The following TAMM41 variants were observed in gnomAD, a reference collection of about 807,000 sequenced individuals.
TAMM41 encodes the protein phosphatidate cytidylyltransferase, mitochondrial.
A neutral mutation model predicts 44.1 loss-of-function variants in TAMM41; 36 were observed. That is an observed-to-expected ratio of 0.82 (90% confidence interval 0.63 to 1.08). TAMM41 has a LOEUF of 1.08. Ranked by LOEUF, TAMM41 falls within the 50% of genes least tolerant of loss-of-function variation. The probability of loss-of-function intolerance (pLI) is 0.00; values close to 1 mark genes in which losing one functional copy is unlikely to be tolerated. For synonymous variants in TAMM41, 164 were observed against 153.1 expected (o/e 1.07, Z -0.53); for missense variants, 417 against 404.3 (o/e 1.03, Z -0.27).
At chr3:11,780,044 C>G in the TAMM41 span, among the ~76,000 whole-genome samples, 1 of 152,176 alleles carries the variant, frequency 6.6e-6, no homozygotes, top group South Asian at 2.1e-4. Flanking sequence ...CATCATCTCT[C>G]AACTAGATGA....
At chr3:11,736,581 C>A in the TAMM41 span, among the ~76,000 whole-genome samples, 1 of 152,144 alleles carries the variant, frequency 6.6e-6, no homozygotes, top group East Asian at 1.9e-4. Context: ...AACAAAAATA[C>A]CAAGGATGGC....
At chr3:11,830,625 A>G (rs1367023835) in intron 3 of TAMM41, 1 of 152,268 alleles carries the variant, frequency 6.6e-6, no homozygotes. Flanking sequence ...CTGTAATCTC[A>G]GCACTTTGGG....
the TAMM41 span, among the ~76,000 whole-genome samples, chr3:11,751,536 C>T: frequency 6.6e-6 from 1 of 152,110 alleles, no homozygotes; most frequent in Admixed American, 6.6e-5. Context: ...CCAGGCCTAC[C>T]GAACCTCATG....
At chr3:11,843,278 G>A (rs78883730) in intron 2 of TAMM41, among the ~76,000 whole-genome samples, 2,926 of 152,296 alleles carry the variant, frequency 0.019, 90 homozygotes, top group East Asian at 0.12. Context: ...CTTCAGCACT[G>A]TTTGGAAGTG....
At chr3:11,832,280 AAAC>A (rs199820028) in intron 3 of TAMM41, among the ~76,000 whole-genome samples, 1,844 of 104,330 alleles carry the variant, frequency 0.018, 49 homozygotes, top group African/African-American at 0.077. Flanking sequence ...ACATTCAGAA[AAAC>A]AAAAAAAAAA....
At chr3:11,749,665 G>A in the TAMM41 span, among the ~76,000 whole-genome samples, 3 of 152,026 alleles carry the variant, frequency 2.0e-5, no homozygotes, top group Admixed American at 1.3e-4. Context: ...CAAACACAAC[G>A]TGCAATGAGA....
chr3:11,816,155 C>T (rs2124981165), intron 5 of TAMM41, among the ~76,000 whole-genome samples: 1 of 151,270 alleles, frequency 6.6e-6, no homozygotes, highest in South Asian at 2.1e-4. Context: ...TGTTAGTTGC[C>T]CCTACTATGT....
At chr3:11,725,663 C>CAGGA in the TAMM41 span, among the ~76,000 whole-genome samples, 1 of 152,112 alleles carries the variant, frequency 6.6e-6, no homozygotes, top group African/African-American at 2.4e-5. Flanking sequence ...TGGTCTTGAA[C>CAGGA]TCCTGGGCTC....
At chr3:11,791,520 GAT>G (rs1317998883) in intron 7 of TAMM41, among the ~76,000 whole-genome samples, 1 of 152,180 alleles carries the variant, frequency 6.6e-6, no homozygotes, top group Non-Finnish European at 1.5e-5. Flanking sequence ...GTGGCCCAAA[GAT>G]ATGAACAGTC....
chr3:11,808,483 C>T lies in TAMM41; in HGVS notation c.875-588G>A, dbSNP rs774250521. The T allele has an allele frequency of 3.7e-4, 364 of 985,802 alleles. 1 individual carries two copies. The highest frequency in any genetic ancestry group is 4.3e-4 in the Non-Finnish European group (353 of 830,346). The allele number at this position is 985,802 out of a possible 1,614,324, so 61.1% of individuals were successfully genotyped here. Reference sequence around the variant, plus strand: ...AGTGCAGGCCCAGGAGGAGAGTGGGCGTGGAGCGCCTGCTGCAGCTCATCC... The same window carrying T: ...AGTGCAGGCCCAGGAGGAGAGTGGGTGTGGAGCGCCTGCTGCAGCTCATCC... On this transcript the variant is annotated intron_variant, in intron 6 of 7. Coordinates refer to ENST00000455809, the MANE Select transcript of TAMM41 (RefSeq NM_001284401.2).
chr3:11,733,251 G>C, the TAMM41 span, among the ~76,000 whole-genome samples: 1 of 151,854 alleles, frequency 6.6e-6, no homozygotes, highest in African/African-American at 2.4e-5. Context: ...TGCCCACCTT[G>C]GCCTCCCAAA....
At chr3:11,730,201 A>C in the TAMM41 span, among the ~76,000 whole-genome samples, 1 of 152,102 alleles carries the variant, frequency 6.6e-6, no homozygotes, top group Non-Finnish European at 1.5e-5. Flanking sequence ...TGGGTGGATC[A>C]TCTGAGATCA....
At chr3:11,730,579 A>G in the TAMM41 span, among the ~76,000 whole-genome samples, 1 of 151,984 alleles carries the variant, frequency 6.6e-6, no homozygotes, top group Non-Finnish European at 1.5e-5. Context: ...CTAAAAATAC[A>G]AAAAATTAGC....
chr3:11,724,405 T>TTTTTTA, the TAMM41 span, among the ~76,000 whole-genome samples: 11 of 139,636 alleles, frequency 7.9e-5, no homozygotes, highest in African/African-American at 2.7e-4. Flanking sequence ...ACCTGGCCTA[T>TTTTTTA]TTTTTATTTT....
intron 4 of TAMM41, among the ~76,000 whole-genome samples, chr3:11,826,273 C>G (rs1049290020): frequency 2.0e-5 from 3 of 152,164 alleles, no homozygotes; most frequent in Non-Finnish European, 1.5e-5. Flanking sequence ...GTGGCCCACA[C>G]CTATAATCCC....
chr3:11,839,386 A>T, intron 2 of TAMM41, 72 bp from the exon 3 acceptor site: 1 of 998,496 alleles, frequency 1.0e-6, no homozygotes, highest in Non-Finnish European at 1.5e-6. Context: ...ATAAAATATA[A>T]GGAAACAGAT....
At chr3:11,740,087 C>CAA in the TAMM41 span, among the ~76,000 whole-genome samples, 1 of 138,864 alleles carries the variant, frequency 7.2e-6, no homozygotes, top group African/African-American at 3.2e-5. Context: ...AAAAACAAAA[C>CAA]AAAACAAAAA....
At chr3:11,728,154 A>G in the TAMM41 span, among the ~76,000 whole-genome samples, 2 of 152,174 alleles carry the variant, frequency 1.3e-5, no homozygotes, top group Non-Finnish European at 2.9e-5. Context: ...GTGAAATTTT[A>G]TGTAGGTTTT....
intron 4 of TAMM41, 95 bp downstream of exon 4, chr3:11,829,619 T>C (rs1385720230): frequency 9.9e-6 from 14 of 1,415,408 alleles, no homozygotes; most frequent in Non-Finnish European, 1.3e-5. Flanking sequence ...CAACTAAGAC[T>C]GTAGCAGCTC....
Sources: gnomAD v4.1 joint callset for allele counts (sites outside exome capture counted in the v4.1 genomes callset) on GRCh38, gnomAD v4.1.1 for gene constraint, MANE v1.5 for transcripts, NCBI Gene and HGNC (gene_info 2026-07-23, HGNC 2026-07-21) for gene names.